The following GOLGB1 variants were observed in gnomAD, a reference collection of about 807,000 sequenced individuals.
The protein encoded by GOLGB1 is golgin B1, also known as golgin subfamily B member 1.
Under a neutral mutation model 336.9 loss-of-function variants are expected in GOLGB1, and 174 were observed. That is an observed-to-expected ratio of 0.52 (90% CI 0.46 to 0.59). The LOEUF (loss-of-function observed/expected upper bound fraction) is 0.59, where lower values mean the gene tolerates loss of function less well. Ranked by LOEUF, GOLGB1 falls within the 20% of genes least tolerant of loss-of-function variation. The pLI is 0.00. For missense variants in GOLGB1, 3,331 were observed against 3,645.3 expected (o/e 0.91, Z 2.22); for synonymous variants, 1,208 against 1,289.2 (o/e 0.94, Z 1.35).
At chr3:121,716,653 T>C in intron 9 of GOLGB1, 84 bp downstream of exon 9, 1 of 1,151,172 alleles carries the variant, frequency 8.7e-7, no homozygotes. Context: ...TGAGTACAGA[T>C]TTCATTAACA....
chr3:121,707,225 C>CAAAAAAAAAAAAAAAAAAAAAAAAAAAA (rs554313106), intron 10 of GOLGB1, among the ~76,000 whole-genome samples: 1 of 93,670 alleles, frequency 1.1e-5, no homozygotes, highest in Non-Finnish European at 2.0e-5. Flanking sequence ...GACTCCATCT[C>CAAAAAAAAAAAAAAAAAAAAAAAAAAAA]AAAAAAAAAA....
At chr3:121,703,639 T>C (rs1018880461) in intron 10 of GOLGB1, among the ~76,000 whole-genome samples, 6 of 152,288 alleles carry the variant, frequency 3.9e-5, no homozygotes, top group African/African-American at 1.4e-4. Flanking sequence ...AGGCCAGAGT[T>C]TGGGGTTTGA....
intron 14 of GOLGB1, 103 bp downstream of exon 14, chr3:121,690,567 G>T: frequency 1.8e-6 from 1 of 550,928 alleles, no homozygotes; most frequent in Non-Finnish European, 2.9e-6. Flanking sequence ...TGCGTTCCCA[G>T]ATAATATGTA....
At chr3:121,677,672 T>C (rs971163671) in intron 15 of GOLGB1, among the ~76,000 whole-genome samples, 1 of 152,188 alleles carries the variant, frequency 6.6e-6, no homozygotes, top group Non-Finnish European at 1.5e-5. Context: ...GTCAATTATA[T>C]AAGGAAATAA....
rs1051976918 is a variant in GOLGB1, at chr3:121,698,482, G to C, written c.2041C>G (p.Pro681Ala). Residue 681 changes from proline to alanine, a missense_variant, in exon 13 of 22, where the codon CCA becomes GCA. Coordinates refer to ENST00000614479, the MANE Select transcript of GOLGB1 (RefSeq NM_001366282.2). ...TCCTGATGACACTGACCAATATCTG[G>C]TACAGCAGAAAGGGATTTATCACCA... ...QDGDKSLSAVPDIGQCHQDEL... is the reference protein window; with the variant it reads ...QDGDKSLSAVADIGQCHQDEL... 9.9e-6 allele frequency: 16 copies of C among 1,613,224 alleles called. No homozygotes were observed. Among genetic ancestry groups the C allele is most frequent in the Non-Finnish European group, 1.3e-5 (15 of 1,179,442 alleles).
At chr3:121,693,271 G>C (rs1278824612) in intron 13 of GOLGB1, among the ~76,000 whole-genome samples, 1 of 152,166 alleles carries the variant, frequency 6.6e-6, no homozygotes, top group African/African-American at 2.4e-5. Flanking sequence ...TGGATCACCT[G>C]AGGTCAGGAG....
chr3:121,718,640 T>A, intron 7 of GOLGB1, 139 bp from the exon 8 acceptor site: 1 of 629,962 alleles, frequency 1.6e-6, no homozygotes, highest in South Asian at 1.9e-5. Context: ...GAGACCAGCA[T>A]GCCATGCTCC....
chr3:121,679,694 C>T (rs1014696675), intron 15 of GOLGB1, among the ~76,000 whole-genome samples: 2 of 152,138 alleles, frequency 1.3e-5, no homozygotes, highest in African/African-American at 2.4e-5. Flanking sequence ...ACAAGGTACA[C>T]CTCACCCTCC....
intron 10 of GOLGB1, among the ~76,000 whole-genome samples, chr3:121,709,390 A>G (rs1377522999): frequency 6.6e-6 from 1 of 152,216 alleles, no homozygotes; most frequent in Admixed American, 6.5e-5. Context: ...CAAGTGTACA[A>G]GGTATGTTCA....
intron 1 of GOLGB1, among the ~76,000 whole-genome samples, chr3:121,736,865 C>T (rs1215387009): frequency 6.6e-6 from 1 of 152,150 alleles, no homozygotes; most frequent in Non-Finnish European, 1.5e-5. Context: ...GATCGCACCA[C>T]TGCACTCCAG....
intron 2 of GOLGB1, 117 bp from the exon 3 acceptor site, chr3:121,730,134 A>C (rs1945977320): frequency 6.4e-6 from 4 of 629,468 alleles, no homozygotes; most frequent in Non-Finnish European, 1.1e-5. Context: ...TTAACTTAAG[A>C]ATCTAACTCT....
chr3:121,737,405 C>T (rs930520362), intron 1 of GOLGB1, among the ~76,000 whole-genome samples: 1 of 152,188 alleles, frequency 6.6e-6, no homozygotes, highest in African/African-American at 2.4e-5. Context: ...GTAATCCCAG[C>T]ACTTTGGGAG....
At chr3:121,702,203 T>G (rs138677584) in intron 11 of GOLGB1, among the ~76,000 whole-genome samples, 1 of 152,292 alleles carries the variant, frequency 6.6e-6, no homozygotes, top group East Asian at 1.9e-4. Flanking sequence ...CAAGCCATAC[T>G]TCCTATAGGA....
Position 121,697,693 on chromosome 3 carries a change from A to T in GOLGB1, c.2830T>A (p.Ser944Thr). 1 of 1,613,570 alleles carries T rather than the reference A, an allele frequency of 6.2e-7. No individual in the cohort carries two copies. The highest frequency in any genetic ancestry group is 1.3e-5 in the African/African-American group (1 of 75,002). The change falls in exon 13 of 22, where the codon TCC becomes ACC. Residue 944 changes from serine to threonine, a missense_variant. By Grantham distance (58) the Ser-to-Thr change is moderately conservative. Coordinates refer to ENST00000614479, the MANE Select transcript of GOLGB1 (RefSeq NM_001366282.2). The stretch of plus-strand genomic sequence containing the variant: ...TCTTTTTTTGCTTCCTCAGCTCTGG[A>T]TAATAAATTTAGCTGTTCTTTAAGA... ...KTLKEQLNLLSRAEEAKKEQV... is the reference protein window; with the variant it reads ...KTLKEQLNLLTRAEEAKKEQV...
chr3:121,733,283 G>A (rs568781401), intron 1 of GOLGB1, among the ~76,000 whole-genome samples: 4 of 97,952 alleles, frequency 4.1e-5, no homozygotes, highest in African/African-American at 1.1e-4. Context: ...AGATTGCTCC[G>A]TCTCAAAAAA....
chr3:121,702,671 C>G (rs1052965370), intron 10 of GOLGB1, 76 bp from the exon 11 acceptor site: 8 of 565,196 alleles, frequency 1.4e-5, no homozygotes, highest in Non-Finnish European at 2.3e-5. Context: ...TAGCCTCCAG[C>G]ATTTTTGTCT....
At chr3:121,676,728 G>C in intron 17 of GOLGB1, among the ~76,000 whole-genome samples, 165 bp downstream of exon 17, 1 of 152,182 alleles carries the variant, frequency 6.6e-6, no homozygotes, top group East Asian at 1.9e-4. Flanking sequence ...AAATGGCCCT[G>C]TGTCCAGTGC....
At chr3:121,678,210 A>G (rs924088326) in intron 15 of GOLGB1, among the ~76,000 whole-genome samples, 4 of 152,196 alleles carry the variant, frequency 2.6e-5, no homozygotes, top group African/African-American at 9.7e-5. Flanking sequence ...TTCACTTATA[A>G]TCAAGTCCAT....
chr3:121,725,323 C>T lies in GOLGB1; in HGVS notation c.531+1590G>A, dbSNP rs983960220. On this transcript the variant is annotated intron_variant, in intron 5 of 21. Coordinates refer to ENST00000614479, the MANE Select transcript of GOLGB1 (RefSeq NM_001366282.2). ...CTGCCTGAGGTCTTGGGGACCCAAC[C>T]CCTGTACCGGCAGAGGATGCTGAAA... 6.6e-5 allele frequency among the ~76,000 whole-genome samples: 10 copies of T among 152,180 alleles called. 1 individual carries two copies. Among genetic ancestry groups the T allele is most frequent in the African/African-American group, 1.7e-4 (7 of 41,440 alleles).
Sources: allele counts gnomAD v4.1 joint callset (sites outside exome capture counted in the v4.1 genomes callset), GRCh38; gene constraint gnomAD v4.1.1; transcripts MANE v1.5; gene names NCBI Gene and HGNC (gene_info 2026-07-23, HGNC 2026-07-21).